The following CCSER1 variants were observed in gnomAD, a reference collection of about 807,000 sequenced individuals.
CCSER1 encodes coiled-coil serine rich protein 1.
CCSER1 carries 41 observed loss-of-function variants against 82.0 expected under a neutral mutation model. That is an observed-to-expected ratio of 0.50 (90% confidence interval 0.39 to 0.65). CCSER1 has a LOEUF of 0.65. Among genes scored for constraint, CCSER1 ranks in the 30% least tolerant of loss-of-function variants. The pLI, the probability that CCSER1 is intolerant of heterozygous loss-of-function variation, is 0.00. For synonymous variants in CCSER1, 414 were observed against 383.9 expected (o/e 1.08, Z -0.92); for missense variants, 1,119 against 1,064.2 (o/e 1.05, Z -0.72).
intron 1 of CCSER1, among the ~76,000 whole-genome samples, chr4:90,208,300 T>C (rs553070688): frequency 1.9e-4 from 29 of 152,322 alleles, no homozygotes; most frequent in African/African-American, 6.7e-4. Context: ...TTGTTTATGC[T>C]GTAAAGGGAA....
chr4:91,255,544 A>G (rs943022145), intron 10 of CCSER1, among the ~76,000 whole-genome samples: 1 of 152,186 alleles, frequency 6.6e-6, no homozygotes, highest in Non-Finnish European at 1.5e-5. Context: ...GTATAAATTC[A>G]GGATTCTGAT....
chr4:90,142,603 G>A (rs1291082902), intron 1 of CCSER1, among the ~76,000 whole-genome samples: 1 of 150,618 alleles, frequency 6.6e-6, no homozygotes, highest in Non-Finnish European at 1.5e-5. Flanking sequence ...ACAGCAGAGG[G>A]ATATCGTTTT....
Position 90,277,455 on chromosome 4 carries a change from G to A in CCSER1, c.-41-30789G>A, listed in dbSNP as rs1228989588. ...TTTGTATAGTATAGTAACCAAAACA[G>A]CATGGTACTAGTACGAAAACAGACA... is the stretch of plus-strand genomic sequence containing the variant. On this transcript the variant is annotated intron_variant, in intron 1 of 10. Coordinates refer to ENST00000509176, the MANE Select transcript of CCSER1 (RefSeq NM_001145065.2). 2.0e-5 allele frequency among the ~76,000 whole-genome samples: 3 copies of A among 151,970 alleles called. No individual in the cohort carries two copies. The East Asian group carries it at 5.8e-4, about 29-fold the overall frequency.
At chr4:90,914,407 C>A (rs1258686146) in intron 8 of CCSER1, among the ~76,000 whole-genome samples, 1 of 152,016 alleles carries the variant, frequency 6.6e-6, no homozygotes, top group African/African-American at 2.4e-5. Flanking sequence ...CGGTACATAA[C>A]TAAATGAAGG....
chr4:90,615,270 A>AG (rs951754360), intron 5 of CCSER1, among the ~76,000 whole-genome samples: 1 of 152,190 alleles, frequency 6.6e-6, no homozygotes, highest in Non-Finnish European at 1.5e-5. Context: ...CAGAACATCC[A>AG]TTCTGTAGCT....
intron 1 of CCSER1, among the ~76,000 whole-genome samples, chr4:90,259,911 T>G (rs762764801): frequency 2.0e-5 from 3 of 152,276 alleles, no homozygotes; most frequent in South Asian, 2.1e-4. Flanking sequence ...ATCAGTGATA[T>G]TGGTCTGTAG....
At chr4:90,584,212 A>G (rs1781738680) in intron 5 of CCSER1, among the ~76,000 whole-genome samples, 1 of 152,172 alleles carries the variant, frequency 6.6e-6, no homozygotes, top group Non-Finnish European at 1.5e-5. Flanking sequence ...GAGATTATCT[A>G]GTTTTGCTTG....
intron 5 of CCSER1, among the ~76,000 whole-genome samples, chr4:90,477,721 A>G (rs1349579545): frequency 6.6e-6 from 1 of 151,894 alleles, no homozygotes; most frequent in Non-Finnish European, 1.5e-5. Context: ...TTAGAATAGC[A>G]ATAACTAGTA....
At chr4:90,961,602 A>C (rs1734060069) in intron 9 of CCSER1, among the ~76,000 whole-genome samples, 1 of 152,160 alleles carries the variant, frequency 6.6e-6, no homozygotes, top group Admixed American at 6.6e-5. Flanking sequence ...AGAATGGATT[A>C]GAGATCAGTG....
intron 9 of CCSER1, among the ~76,000 whole-genome samples, chr4:90,968,414 A>G (rs577905512): frequency 6.6e-6 from 1 of 152,088 alleles, no homozygotes; most frequent in African/African-American, 2.4e-5. Flanking sequence ...AGCACATGCA[A>G]ACCTCTGAAG....
intron 10 of CCSER1, among the ~76,000 whole-genome samples, chr4:91,190,968 T>C (rs899650706): frequency 2.0e-5 from 3 of 152,222 alleles, no homozygotes; most frequent in African/African-American, 4.8e-5. Flanking sequence ...CTGGTTGTTA[T>C]CAGGATTAAA....
intron 10 of CCSER1, among the ~76,000 whole-genome samples, chr4:91,112,018 A>G (rs1053683005): frequency 2.6e-5 from 4 of 152,054 alleles, no homozygotes; most frequent in East Asian, 1.9e-4. Context: ...AATATGCCTT[A>G]TTTCATGTAA....
At chr4:90,489,986 G>A (rs1220643587) in intron 5 of CCSER1, among the ~76,000 whole-genome samples, 1 of 152,158 alleles carries the variant, frequency 6.6e-6, no homozygotes, top group Admixed American at 6.5e-5. Flanking sequence ...AAACATACGT[G>A]TGCATGTGTC....
intron 1 of CCSER1, among the ~76,000 whole-genome samples, chr4:90,297,476 G>A (rs921053187): frequency 1.2e-4 from 18 of 151,512 alleles, no homozygotes; most frequent in African/African-American, 2.7e-4. Context: ...CTAATTGAAT[G>A]CCCTTTATTT....
intron 7 of CCSER1, among the ~76,000 whole-genome samples, chr4:90,748,567 G>A (rs1020165849): frequency 6.0e-5 from 9 of 149,786 alleles, no homozygotes; most frequent in African/African-American, 2.2e-4. Context: ...TGGGATGGCT[G>A]AGTCAAATGG....
At chr4:91,244,134 C>G (rs982532330) in intron 10 of CCSER1, among the ~76,000 whole-genome samples, 3 of 152,160 alleles carry the variant, frequency 2.0e-5, no homozygotes, top group Non-Finnish European at 4.4e-5. Context: ...GGCAGAACCC[C>G]CATGGAGTGG....
At chr4:90,670,225 T>C (rs1305310389) in intron 6 of CCSER1, among the ~76,000 whole-genome samples, 1 of 152,160 alleles carries the variant, frequency 6.6e-6, no homozygotes, top group Non-Finnish European at 1.5e-5. Context: ...TTACTGTTCT[T>C]TGTGAATTTT....
chr4:91,259,870 T>C (rs896437844), intron 10 of CCSER1, among the ~76,000 whole-genome samples: 3 of 152,208 alleles, frequency 2.0e-5, no homozygotes. Flanking sequence ...TCCAAGTCTT[T>C]GCTATTGTGA....
At chr4:90,728,291 T>C (rs17017468) in intron 7 of CCSER1, among the ~76,000 whole-genome samples, 9,369 of 152,268 alleles carry the variant, frequency 0.062, 342 homozygotes, top group East Asian at 0.16. Context: ...TCCCTAGTTA[T>C]TTCTCTTTAG....
Sources: allele counts gnomAD v4.1 joint callset (sites outside exome capture counted in the v4.1 genomes callset), GRCh38; gene constraint gnomAD v4.1.1; transcripts MANE v1.5; gene names NCBI Gene and HGNC (gene_info 2026-07-23, HGNC 2026-07-21).